MYO1E: variants seen among roughly 807,000 people sequenced by gnomAD.
MYO1E encodes the protein myosin IE.
A neutral mutation model predicts 151.1 loss-of-function variants in MYO1E; 68 were observed. The ratio of observed to expected loss-of-function variants is 0.45; its 90% CI spans 0.37 to 0.55. The LOEUF (loss-of-function observed/expected upper bound fraction) is 0.55. MYO1E is among the 20% of genes least tolerant of loss of function. The pLI, the probability that MYO1E is intolerant of heterozygous loss-of-function variation, is 0.00. For synonymous variants in MYO1E, 601 were observed against 501.7 expected (o/e 1.20, Z -2.64); for missense variants, 1,363 against 1,389.3 (o/e 0.98, Z 0.30).
chr15:59,295,051 C>G (rs775302354), intron 1 of MYO1E, among the ~76,000 whole-genome samples: 6 of 152,104 alleles, frequency 3.9e-5, no homozygotes, highest in Non-Finnish European at 2.9e-5. Flanking sequence ...CTGTAAGTGA[C>G]CTGAGGATGG....
chr15:59,259,119 CT>C (rs1566994537), intron 3 of MYO1E, among the ~76,000 whole-genome samples: 1 of 152,132 alleles, frequency 6.6e-6, no homozygotes, highest in African/African-American at 2.4e-5. Flanking sequence ...TTTGGTCATC[CT>C]CTCAATTTTG....
intron 1 of MYO1E, among the ~76,000 whole-genome samples, chr15:59,334,606 C>T (rs2080717604): frequency 6.6e-6 from 1 of 152,152 alleles, no homozygotes; most frequent in Admixed American, 6.5e-5. Flanking sequence ...GCAGAAACTG[C>T]TACAGGACCA....
At chr15:59,225,578 C>T (rs747999755) in intron 7 of MYO1E, among the ~76,000 whole-genome samples, 7 of 152,152 alleles carry the variant, frequency 4.6e-5, no homozygotes, top group Non-Finnish European at 8.8e-5. Flanking sequence ...TCCTGTGTGG[C>T]AGGATTTTCT....
intron 23 of MYO1E, among the ~76,000 whole-genome samples, chr15:59,162,087 C>T (rs1034390107): frequency 6.6e-6 from 1 of 152,114 alleles, no homozygotes; most frequent in Non-Finnish European, 1.5e-5. Flanking sequence ...CCCAGGCTGG[C>T]GTGCAGTGGT....
intron 26 of MYO1E, among the ~76,000 whole-genome samples, chr15:59,140,161 C>T (rs948483956): frequency 5.9e-5 from 9 of 152,102 alleles, no homozygotes; most frequent in Admixed American, 5.9e-4. Context: ...ACCAGTGACA[C>T]TCCCTTCACC....
intron 26 of MYO1E, among the ~76,000 whole-genome samples, chr15:59,147,614 A>AAAAAAAC (rs2079449538): frequency 6.6e-6 from 1 of 151,162 alleles, no homozygotes; most frequent in Admixed American, 6.6e-5. Context: ...AAAAAAAAAA[A>AAAAAAAC]ACAATACAAA....
intron 4 of MYO1E, among the ~76,000 whole-genome samples, chr15:59,243,167 A>C (rs2080110262): frequency 6.7e-6 from 1 of 148,850 alleles, no homozygotes; most frequent in African/African-American, 2.5e-5. Context: ...AAAAGGTATA[A>C]CCCAAGGATT....
chr15:59,161,343 G>A lies in MYO1E; in HGVS notation c.2628-113C>T, dbSNP rs148475794. On this transcript the variant is annotated intron_variant, in intron 23 of 27. Coordinates refer to ENST00000288235, the MANE Select transcript of MYO1E (RefSeq NM_004998.4). ...AAAAGCATAAACATGAGGCGAGAAC[G>A]GACAATCTACACCAGGAGCAGGGCC... 535 of 1,194,286 alleles carry A rather than the reference G, an allele frequency of 4.5e-4. 2 individuals are homozygous for A. In the African/African-American group the frequency reaches 6.4e-3, roughly 14 times the overall value. 74.0% of individuals were successfully genotyped at this position (1,194,286 alleles called of 1,614,324 possible). A position where few individuals can be genotyped will look rare whatever the true frequency, so the allele number is the denominator to read the frequency against.
chr15:59,201,944 T>C (rs2079804936), intron 16 of MYO1E, among the ~76,000 whole-genome samples: 1 of 152,196 alleles, frequency 6.6e-6, no homozygotes, highest in African/African-American at 2.4e-5. Flanking sequence ...TAACGTTCCA[T>C]AACTGGCAGG....
rs2079519725 is a variant in MYO1E, at chr15:59,158,315, G to A, written c.2850C>T (p.Tyr950=). 3 of 1,577,642 alleles carry A rather than the reference G, an allele frequency of 1.9e-6. No individual in the cohort carries two copies. Among genetic ancestry groups the A allele is most frequent in the East Asian group, 4.6e-5 (2 of 43,740 alleles). The change falls in exon 25 of 28, where the codon TAC becomes TAT. Residue 950 remains tyrosine, a synonymous_variant. Transcript: ENST00000288235. ...GYSSGTQNAN[Y]PVRAAPPPPG... ...GGGGAGGAGGGGCAGCTCTCACTGG[G>A]TAGTTGGCATTTTGAGTCCCACTGG...
chr15:59,242,309 A>G (rs1483791211), intron 4 of MYO1E, among the ~76,000 whole-genome samples: 3 of 152,222 alleles, frequency 2.0e-5, no homozygotes, highest in Non-Finnish European at 4.4e-5. Context: ...GAAAATTCAA[A>G]CTGGGCGTGG....
chr15:59,249,423 CA>C (rs5812966), intron 4 of MYO1E, among the ~76,000 whole-genome samples: 23 of 132,948 alleles, frequency 1.7e-4, no homozygotes, highest in African/African-American at 3.7e-4. Flanking sequence ...GACTCTGTCT[CA>C]AAAAAAAAAA....
chr15:59,200,799 T>C (rs565725461), intron 16 of MYO1E, among the ~76,000 whole-genome samples: 4 of 152,258 alleles, frequency 2.6e-5, no homozygotes, highest in East Asian at 1.9e-4. Flanking sequence ...TCTCTTAAGA[T>C]AGACACTAAT....
intron 10 of MYO1E, 66 bp from the exon 11 acceptor site, chr15:59,214,786 G>T (rs1236542891): frequency 8.0e-7 from 1 of 1,257,668 alleles, no homozygotes; most frequent in Non-Finnish European, 1.2e-6. Flanking sequence ...GCATGCACTG[G>T]GGAAAGGGAA....
At chr15:59,161,334 G>C (rs1311345794) in intron 23 of MYO1E, 104 bp from the exon 24 acceptor site, 2 of 1,294,596 alleles carry the variant, frequency 1.5e-6, no homozygotes, top group Admixed American at 4.4e-5. Flanking sequence ...ATAAACATGA[G>C]GCGAGAACGG....
At chr15:59,324,663 G>GCCC (rs10717159) in intron 1 of MYO1E, among the ~76,000 whole-genome samples, 15,415 of 146,160 alleles carry the variant, frequency 0.11, 979 homozygotes, top group East Asian at 0.21. Context: ...CCCATCCCAA[G>GCCC]CCCCCCCCCC....
intron 4 of MYO1E, among the ~76,000 whole-genome samples, chr15:59,245,079 A>G (rs1340996264): frequency 6.6e-6 from 1 of 152,202 alleles, no homozygotes; most frequent in African/African-American, 2.4e-5. Flanking sequence ...AAGCCAGGCC[A>G]GGGGGATGGC....
At chr15:59,222,275 C>T (rs1274978801) in intron 9 of MYO1E, among the ~76,000 whole-genome samples, 3 of 152,138 alleles carry the variant, frequency 2.0e-5, no homozygotes, top group Non-Finnish European at 2.9e-5. Context: ...TTAAAGAATG[C>T]TGAGAAAGGA....
At chr15:59,323,137 C>A (rs1310412528) in intron 1 of MYO1E, among the ~76,000 whole-genome samples, 1 of 140,396 alleles carries the variant, frequency 7.1e-6, no homozygotes, top group Non-Finnish European at 1.5e-5. Flanking sequence ...CCACTGCACT[C>A]CAGCCTGGGC....
Sources: allele counts gnomAD v4.1 joint callset (sites outside exome capture counted in the v4.1 genomes callset), GRCh38; gene constraint gnomAD v4.1.1; transcripts MANE v1.5; gene names NCBI Gene and HGNC (gene_info 2026-07-23, HGNC 2026-07-21).